The following FOXP1 variants were observed in gnomAD, a reference collection of about 807,000 sequenced individuals.
The protein encoded by FOXP1 is forkhead box P1, also known as forkhead box protein P1.
FOXP1 carries 15 observed loss-of-function variants against 98.2 expected under a neutral mutation model. The observed-to-expected ratio is 0.15, with a 90% CI of 0.10 to 0.24. FOXP1 has a LOEUF of 0.24. FOXP1 is among the 10% of genes least tolerant of loss of function. The pLI, the probability that FOXP1 is intolerant of heterozygous loss-of-function variation, is 1.00. For synonymous variants in FOXP1, 371 were observed against 314.5 expected, an observed-to-expected ratio of 1.18 and a Z score of -1.90; for missense variants, 633 against 848.5, an observed-to-expected ratio of 0.75 and a Z score of 3.15.
At chr3:71,331,592 G>A (rs760441647) in intron 4 of FOXP1, among the ~76,000 whole-genome samples, 2 of 152,238 alleles carry the variant, frequency 1.3e-5, no homozygotes, top group Admixed American at 6.5e-5. Context: ...GAATCTTCAC[G>A]TCTAGCTAAG....
In FOXP1 at chr3:71,489,411, C is replaced by T. The variant is rs752135892; in HGVS notation, c.-168+4015G>A. 9.2e-5 allele frequency among the ~76,000 whole-genome samples: 14 copies of T among 152,336 alleles called. No homozygotes were observed. The South Asian group carries it at 1.4e-3, about 16-fold the overall frequency. ...GCAAGGGACAACCTAGTGGTAGAGA[C>T]GATGCAATGACAGAGCAGAGACAGA... On this transcript the variant is annotated intron_variant, in intron 3 of 20. Transcript: ENST00000649528.
At chr3:71,430,777 T>C in intron 3 of FOXP1, among the ~76,000 whole-genome samples, 1 of 152,158 alleles carries the variant, frequency 6.6e-6, no homozygotes, top group Admixed American at 6.5e-5. Context: ...GCTTAAACTC[T>C]GCCTTATGGT....
chr3:71,580,720 C>A, intron 2 of FOXP1: 1 of 929,410 alleles, frequency 1.1e-6, no homozygotes, highest in Non-Finnish European at 1.3e-6. Flanking sequence ...AGCGATTCTT[C>A]AATATATTTT....
At chr3:71,429,028 T>C (rs2084426799) in intron 3 of FOXP1, among the ~76,000 whole-genome samples, 1 of 152,160 alleles carries the variant, frequency 6.6e-6, no homozygotes, top group South Asian at 2.1e-4. Flanking sequence ...TCGGCTGACA[T>C]TTTTTGCTAT....
At chr3:71,549,355 C>G (rs1253965646) in intron 2 of FOXP1, among the ~76,000 whole-genome samples, 2 of 152,160 alleles carry the variant, frequency 1.3e-5, no homozygotes, top group African/African-American at 4.8e-5. Context: ...TTTTTAGACT[C>G]CAAAATACAT....
chr3:71,372,264 C>T (rs187894439), intron 3 of FOXP1, among the ~76,000 whole-genome samples: 32 of 151,598 alleles, frequency 2.1e-4, no homozygotes, highest in Admixed American at 4.6e-4. Flanking sequence ...TGAGGTGATC[C>T]GCCCGTCTCA....
intron 4 of FOXP1, among the ~76,000 whole-genome samples, chr3:71,350,893 G>A (rs893738654): frequency 6.6e-6 from 1 of 152,100 alleles, no homozygotes; most frequent in East Asian, 1.9e-4. Context: ...GTAGGTCAAA[G>A]GCCATCCATG....
intron 4 of FOXP1, among the ~76,000 whole-genome samples, chr3:71,310,317 G>C (rs1047242169): frequency 6.6e-6 from 1 of 152,162 alleles, no homozygotes; most frequent in African/African-American, 2.4e-5. Context: ...CTGTTTGTGG[G>C]GATCTAATTG....
chr3:71,224,805 G>A (rs563094735), intron 5 of FOXP1, among the ~76,000 whole-genome samples: 4 of 152,278 alleles, frequency 2.6e-5, no homozygotes, highest in Admixed American at 6.5e-5. Context: ...AAGGACACCC[G>A]ACAGACTGGT....
chr3:71,019,253 C>A (rs1055500974), intron 11 of FOXP1, among the ~76,000 whole-genome samples: 1 of 152,084 alleles, frequency 6.6e-6, no homozygotes, highest in African/African-American at 2.4e-5. Flanking sequence ...ATGATTTGGG[C>A]ATCTGATGGT....
chr3:71,067,865 G>A (rs1164572753), intron 7 of FOXP1, among the ~76,000 whole-genome samples: 2 of 151,348 alleles, frequency 1.3e-5, no homozygotes, highest in African/African-American at 2.4e-5. Flanking sequence ...GCAGCAAGCT[G>A]TGATCGCACC....
intron 11 of FOXP1, among the ~76,000 whole-genome samples, chr3:71,019,032 T>C (rs2044982318): frequency 6.6e-6 from 1 of 152,162 alleles, no homozygotes; most frequent in Admixed American, 6.5e-5. Flanking sequence ...TTGCAGTCGT[T>C]CTGTATGAAG....
At chr3:71,186,494 C>T (rs1275861333) in intron 6 of FOXP1, among the ~76,000 whole-genome samples, 1 of 152,182 alleles carries the variant, frequency 6.6e-6, no homozygotes, top group Non-Finnish European at 1.5e-5. Flanking sequence ...AGGCGGATCA[C>T]GAGGTCAAGA....
intron 12 of FOXP1, among the ~76,000 whole-genome samples, chr3:71,002,468 T>C (rs1397907558): frequency 1.3e-5 from 2 of 152,120 alleles, no homozygotes; most frequent in Non-Finnish European, 2.9e-5. Flanking sequence ...GAACAAACAA[T>C]AGAAGACCAC....
intron 2 of FOXP1, among the ~76,000 whole-genome samples, chr3:71,559,689 T>C (rs1225183592): frequency 6.6e-6 from 1 of 152,056 alleles, no homozygotes; most frequent in Non-Finnish European, 1.5e-5. Context: ...TTATAAAAAC[T>C]TAAAAAAATT....
chr3:71,117,507 C>T (rs533569584), intron 6 of FOXP1, among the ~76,000 whole-genome samples: 5 of 152,066 alleles, frequency 3.3e-5, no homozygotes, highest in Admixed American at 6.5e-5. Context: ...AAATTAGATT[C>T]TCTGGATACA....
intron 2 of FOXP1, among the ~76,000 whole-genome samples, chr3:71,517,500 A>T (rs189963910): frequency 1.6e-4 from 25 of 152,354 alleles, no homozygotes; most frequent in African/African-American, 6.0e-4. Context: ...AATAATTGTC[A>T]GTGGAATGAT....
chr3:71,359,457 A>G lies in FOXP1; in HGVS notation c.-167-213T>C, dbSNP rs1184292066. Among the ~76,000 whole-genome samples the G allele has an allele frequency of 2.0e-5, 3 of 152,296 alleles. No individual in the cohort carries two copies. The East Asian group carries it at 5.8e-4, about 29-fold the overall frequency. On this transcript the variant is annotated intron_variant, in intron 3 of 20. Coordinates refer to ENST00000649528, the MANE Select transcript of FOXP1 (RefSeq NM_001349338.3). ...CCTGAATTACAGGAGGAGGATGCAA[A>G]ATGTTATGTAGGTGAGTAAAACTGT...
At chr3:71,536,282 G>A (rs1367889239) in intron 2 of FOXP1, among the ~76,000 whole-genome samples, 3 of 152,098 alleles carry the variant, frequency 2.0e-5, no homozygotes, top group Non-Finnish European at 2.9e-5. Context: ...AGAAGTTTCT[G>A]AACTCTCAAT....
Sources: gnomAD v4.1 joint callset for allele counts (sites outside exome capture counted in the v4.1 genomes callset) on GRCh38, gnomAD v4.1.1 for gene constraint, MANE v1.5 for transcripts, NCBI Gene and HGNC (gene_info 2026-07-23, HGNC 2026-07-21) for gene names.